Variants in NRXN3 observed in about 807,000 individuals in gnomAD.
The protein encoded by NRXN3 is neurexin III.
Under a neutral mutation model 137.6 loss-of-function variants are expected in NRXN3, and 32 were observed. The ratio of observed to expected loss-of-function variants is 0.23; its 90% confidence interval spans 0.18 to 0.31. The LOEUF (loss-of-function observed/expected upper bound fraction) is 0.31, where lower values mean the gene tolerates loss of function less well. Ranked by LOEUF, NRXN3 falls within the 10% of genes least tolerant of loss-of-function variation. NRXN3 has a pLI of 1.00. For synonymous variants in NRXN3, 798 were observed against 784.5 expected (o/e 1.02, Z -0.29); for missense variants, 1,574 against 2,062.5 (o/e 0.76, Z 4.59).
chr14:79,769,098 AG>A (rs1435954672), intron 19 of NRXN3, among the ~76,000 whole-genome samples: 1 of 151,918 alleles, frequency 6.6e-6, no homozygotes, highest in African/African-American at 2.4e-5. Context: ...AAACGAGCAA[AG>A]CCTCCAAGAA....
At position 78,966,144 on chromosome 14, in the gene NRXN3, A is replaced by G. The variant is rs1025498727; in HGVS notation, c.2515A>G (p.Met839Val). The G allele has an allele frequency of 2.5e-6, 4 of 1,614,150 alleles. No homozygotes were observed. Among genetic ancestry groups the G allele is most frequent in the Non-Finnish European group, 3.4e-6 (4 of 1,179,988 alleles). Residue 839 changes from methionine (M) to valine (V), a missense_variant, in exon 12 of 21, where the codon ATG (methionine) becomes GTG (valine). Physicochemically the swap from Met to Val is conservative, Grantham distance 21. This residue lies in a region of NRXN3 where 718 missense variants were observed against 887.6 expected (regional missense o/e 0.81). Transcript: ENST00000335750. Reference protein sequence around the residue: ...SSFIGHLQSLMFNGLLYIDLC... With the variant: ...SSFIGHLQSLVFNGLLYIDLC... ...CTTTATTGGCCATCTGCAGAGCCTC[A>G]TGTTTAATGGCCTTCTCTACATTGA... is the stretch of plus-strand genomic sequence containing the variant.
chr14:79,836,345 C>G (rs2099343608), intron 20 of NRXN3, among the ~76,000 whole-genome samples: 1 of 152,114 alleles, frequency 6.6e-6, no homozygotes, highest in African/African-American at 2.4e-5. Context: ...TCTGATGATG[C>G]TCATTCAAAC....
At chr14:79,394,106 A>G (rs574496896) in intron 15 of NRXN3, among the ~76,000 whole-genome samples, 1 of 152,340 alleles carries the variant, frequency 6.6e-6, no homozygotes, top group African/African-American at 2.4e-5. Flanking sequence ...GCTTGGTGGC[A>G]TGTAGAGAAA....
intron 16 of NRXN3, among the ~76,000 whole-genome samples, chr14:79,485,000 A>G (rs2096642449): frequency 6.6e-6 from 1 of 152,126 alleles, no homozygotes; most frequent in Non-Finnish European, 1.5e-5. Flanking sequence ...TTCTGAGAAA[A>G]GTTGGTTATT....
At chr14:79,766,568 G>A (rs2099056694) in intron 19 of NRXN3, among the ~76,000 whole-genome samples, 2 of 152,290 alleles carry the variant, frequency 1.3e-5, no homozygotes, top group Non-Finnish European at 2.9e-5. Context: ...CTGGGGAATT[G>A]GATTCAATTT....
intron 3 of NRXN3, among the ~76,000 whole-genome samples, chr14:78,287,806 T>C (rs1423478622): frequency 6.6e-6 from 1 of 152,168 alleles, no homozygotes; most frequent in African/African-American, 2.4e-5. Flanking sequence ...ATCTCCAGTT[T>C]TTTTTTTAAG....
chr14:79,130,435 T>G (rs1225397627), intron 15 of NRXN3, among the ~76,000 whole-genome samples: 1 of 152,170 alleles, frequency 6.6e-6, no homozygotes, highest in African/African-American at 2.4e-5. Context: ...CCTTCACTTA[T>G]GAAGCTTAGT....
intron 16 of NRXN3, among the ~76,000 whole-genome samples, chr14:79,569,619 G>A (rs938680945): frequency 6.8e-6 from 1 of 146,792 alleles, no homozygotes; most frequent in Non-Finnish European, 1.5e-5. Flanking sequence ...GTGTGTGTGT[G>A]TGTGTGTGTG....
At chr14:78,774,807 C>T (rs1357468328) in intron 8 of NRXN3, among the ~76,000 whole-genome samples, 2 of 151,966 alleles carry the variant, frequency 1.3e-5, no homozygotes, top group Non-Finnish European at 2.9e-5. Context: ...ACCTGTAGTC[C>T]CACCTACTTG....
At chr14:79,660,084 A>G (rs2098526100) in intron 16 of NRXN3, among the ~76,000 whole-genome samples, 2 of 152,168 alleles carry the variant, frequency 1.3e-5, no homozygotes, top group South Asian at 4.1e-4. Context: ...TAATTTGCCC[A>G]AGGTCAGTCA....
chr14:79,788,130 G>T (rs551870830), intron 19 of NRXN3, among the ~76,000 whole-genome samples: 1 of 152,246 alleles, frequency 6.6e-6, no homozygotes, highest in South Asian at 2.1e-4. Flanking sequence ...ATGGTGGCAG[G>T]CAAGGGAGCA....
At chr14:78,842,843 A>T (rs2099016377) in intron 10 of NRXN3, among the ~76,000 whole-genome samples, 1 of 152,124 alleles carries the variant, frequency 6.6e-6, no homozygotes, top group Admixed American at 6.6e-5. Context: ...AAAGAAGAGA[A>T]ATGTGGCTCT....
chr14:79,802,104 T>C (rs1040894180), intron 19 of NRXN3, among the ~76,000 whole-genome samples: 1 of 152,214 alleles, frequency 6.6e-6, no homozygotes, highest in East Asian at 1.9e-4. Flanking sequence ...AAGTCTCCTC[T>C]GAGTTAAAGA....
In NRXN3 at chr14:79,059,250, C is replaced by CTTTTTTTTTTTTTTTT. The variant is rs869266975; in HGVS notation, c.3262+71119_3262+71134dup. On this transcript the variant is annotated intron_variant, in intron 15 of 20. Coordinates refer to ENST00000335750, the MANE Select transcript of NRXN3 (RefSeq NM_001330195.2). ...AAGAAGGCTGCCTTCAGGCCCTATT[C>CTTTTTTTTTTTTTTTT]TTTTTTTTTTTTTTTTTTTTTTTTT... 3.2e-4 allele frequency among the ~76,000 whole-genome samples: 25 copies of CTTTTTTTTTTTTTTTT among 78,280 alleles called. 1 individual carries two copies. The East Asian group carries it at 3.4e-3, about 11-fold the overall frequency. 51.4% of individuals were successfully genotyped at this position (78,280 alleles called of 152,430 possible).
In NRXN3 at chr14:79,863,893, A is replaced by C. The variant is rs116177498; in HGVS notation, c.*1929A>C. The stretch of plus-strand genomic sequence containing the variant: ...TTGCATGAATATTTGACTTTGAAAA[A>C]ATATCTTAACGACATGGGGCAAAAA... On this transcript the variant is annotated 3_prime_UTR_variant, in exon 21 of 21. Coordinates refer to ENST00000335750, the MANE Select transcript of NRXN3 (RefSeq NM_001330195.2). The C allele has an allele frequency of 1.8e-4, 28 of 152,684 alleles. No individual in the cohort carries two copies. Among genetic ancestry groups the C allele is most frequent in the African/African-American group, 6.7e-4 (28 of 41,506 alleles). 9.5% of individuals were successfully genotyped at this position (152,684 alleles called of 1,614,324 possible). A position where few individuals can be genotyped will look rare whatever the true frequency, so the allele number is the denominator to read the frequency against.
At chr14:79,585,132 A>C (rs1418750204) in intron 16 of NRXN3, among the ~76,000 whole-genome samples, 1 of 152,132 alleles carries the variant, frequency 6.6e-6, no homozygotes, top group Non-Finnish European at 1.5e-5. Context: ...TGGCATGACA[A>C]ATGATCTATT....
At chr14:78,657,208 T>G (rs1184878444) in intron 6 of NRXN3, among the ~76,000 whole-genome samples, 2 of 152,078 alleles carry the variant, frequency 1.3e-5, no homozygotes, top group African/African-American at 4.8e-5. Flanking sequence ...GACATGCATT[T>G]CTCTTTTCCT....
At chr14:79,272,635 A>T (rs557851648) in intron 15 of NRXN3, among the ~76,000 whole-genome samples, 16 of 152,152 alleles carry the variant, frequency 1.1e-4, no homozygotes, top group Non-Finnish European at 1.9e-4. Context: ...CCCAGAGCAG[A>T]TTAGGATCTT....
At chr14:78,917,694 G>T (rs1240320824) in intron 10 of NRXN3, among the ~76,000 whole-genome samples, 1 of 152,092 alleles carries the variant, frequency 6.6e-6, no homozygotes, top group African/African-American at 2.4e-5. Context: ...ACCCAGGAAT[G>T]ACTGTCCTTT....
Sources: gnomAD v4.1 joint callset for allele counts (sites outside exome capture counted in the v4.1 genomes callset) on GRCh38, gnomAD v4.1.1 for gene constraint, gnomAD v4.1.1 regional missense constraint, MANE v1.5 for transcripts, NCBI Gene and HGNC (gene_info 2026-07-23, HGNC 2026-07-21) for gene names.